Variants in IARS2 observed in about 807,000 individuals in gnomAD.
IARS2 encodes the protein isoleucine--tRNA ligase, mitochondrial.
In IARS2, 56 loss-of-function variants were observed where a neutral mutation model predicts 126.3. The observed-to-expected ratio is 0.44, with a 90% CI of 0.36 to 0.55. The LOEUF is 0.55. Ranked by LOEUF, IARS2 falls within the 20% of genes least tolerant of loss-of-function variation. IARS2 has a pLI of 0.00. For synonymous variants in IARS2, 407 were observed against 441.1 expected (o/e 0.92, Z 0.97); for missense variants, 1,127 against 1,245.9 (o/e 0.90, Z 1.44).
At chr1:220,109,783 G>GT (rs1656759424) in intron 10 of IARS2, among the ~76,000 whole-genome samples, 1 of 152,186 alleles carries the variant, frequency 6.6e-6, no homozygotes, top group Admixed American at 6.5e-5. Context: ...TAGTGCTGGG[G>GT]GTTAGATCTT....
At chr1:220,112,458 A>C (rs1403149418) in intron 11 of IARS2, among the ~76,000 whole-genome samples, 2 of 151,748 alleles carry the variant, frequency 1.3e-5, no homozygotes, top group African/African-American at 4.8e-5. Context: ...TTACCCCTTA[A>C]CAATTGGATT....
rs747580628 is a variant in IARS2, at chr1:220,103,454, G to A, written c.958G>A (p.Val320Ile). The A allele has an allele frequency of 1.1e-5, 17 of 1,589,426 alleles. No individual in the cohort carries two copies. Among genetic ancestry groups the A allele is most frequent in the Non-Finnish European group, 1.4e-5 (16 of 1,158,360 alleles). ...VCYMPESKYA[V>I]VKCSKSGDLY... ...CCTAAAATTTTATGTTAGGTATGCTGTTGTGAAATGTTCTAAGTCTGGAGA... is the reference window on the plus strand; with the variant it reads ...CCTAAAATTTTATGTTAGGTATGCTATTGTGAAATGTTCTAAGTCTGGAGA... The change falls in exon 8 of 23, where the codon GTT (valine) becomes ATT (isoleucine). Residue 320 changes from valine (V) to isoleucine (I), a missense_variant. Coordinates refer to ENST00000366922, the MANE Select transcript of IARS2 (RefSeq NM_018060.4).
At chr1:220,107,867 ACT>A (rs1212765555) in intron 10 of IARS2, among the ~76,000 whole-genome samples, 1 of 151,408 alleles carries the variant, frequency 6.6e-6, no homozygotes, top group African/African-American at 2.4e-5. Context: ...GCGTTACTCC[ACT>A]CTCTGCCTGT....
intron 2 of IARS2, among the ~76,000 whole-genome samples, 166 bp downstream of exon 2, chr1:220,096,392 T>A (rs988432982): frequency 3.7e-4 from 56 of 152,198 alleles, no homozygotes; most frequent in African/African-American, 1.3e-3. Context: ...ATAAAAAAAA[T>A]TGCTGCTATT....
chr1:220,125,463 A>G, intron 13 of IARS2, 124 bp downstream of exon 13: 1 of 634,280 alleles, frequency 1.6e-6, no homozygotes, highest in Non-Finnish European at 2.8e-6. Flanking sequence ...ACTGTAAATT[A>G]GAAGCTAATG....
At chr1:220,096,629 A>G (rs1472020209) in intron 2 of IARS2, among the ~76,000 whole-genome samples, 1 of 152,204 alleles carries the variant, frequency 6.6e-6, no homozygotes, top group African/African-American at 2.4e-5. Flanking sequence ...TTAATACTAC[A>G]ATCTGTTCAC....
At position 220,145,722 on chromosome 1, in the gene IARS2, C is replaced by T. The variant is rs150990285; in HGVS notation, c.2896+69C>T. On this transcript the variant is annotated intron_variant, in intron 22 of 22. Coordinates refer to ENST00000366922, the MANE Select transcript of IARS2 (RefSeq NM_018060.4). ...ATAATTATAGGTCATCTCCAACTTT[C>T]CAGTGGACTGGGTTTATTCTAAAGG... 137 of 1,311,778 alleles carry T rather than the reference C, an allele frequency of 1.0e-4. 1 individual carries two copies. The East Asian group carries it at 3.0e-3, about 29-fold the overall frequency. 81.3% of individuals were successfully genotyped at this position (1,311,778 alleles called of 1,614,324 possible). A position where few individuals can be genotyped will look rare whatever the true frequency, so the allele number is the denominator to read the frequency against.
chr1:220,104,256 C>T (rs985295911), intron 8 of IARS2, among the ~76,000 whole-genome samples: 14 of 152,312 alleles, frequency 9.2e-5, no homozygotes, highest in Middle Eastern at 3.4e-3. Context: ...GGATTAAAGG[C>T]GTAAGCCACT....
rs1558131762 is a variant in IARS2, at chr1:220,140,237, A to G, written c.2362A>G (p.Thr788Ala). 2.5e-6 allele frequency: 4 copies of G among 1,612,950 alleles called. No individual in the cohort carries two copies. The highest frequency in any genetic ancestry group is 2.2e-5 in the South Asian group (2 of 91,064). ...DFGKVVRLLR[T>A]FYTRELSNFY... Reference sequence around the variant, plus strand: ...TGGAAAAGTTGTTCGGCTGTTACGGACGTTTTATACCAGAGAGCTCTCTAA... The same window carrying G: ...TGGAAAAGTTGTTCGGCTGTTACGGGCGTTTTATACCAGAGAGCTCTCTAA... The change falls in exon 19 of 23, where the codon ACG (threonine) becomes GCG (alanine). Residue 788 changes from threonine to alanine, a missense_variant. Physicochemically the swap from Thr to Ala is moderately conservative, Grantham distance 58. Coordinates refer to ENST00000366922, the MANE Select transcript of IARS2 (RefSeq NM_018060.4).
intron 22 of IARS2, among the ~76,000 whole-genome samples, chr1:220,147,041 G>C (rs2102845003): frequency 6.6e-6 from 1 of 152,220 alleles, no homozygotes; most frequent in South Asian, 2.1e-4. Context: ...ATCAATCTGA[G>C]GTCTAAGAGT....
intron 2 of IARS2, among the ~76,000 whole-genome samples, chr1:220,097,046 A>C (rs1047621462): frequency 6.9e-6 from 1 of 144,120 alleles, no homozygotes; most frequent in African/African-American, 2.5e-5. Flanking sequence ...ATTCCGTCTC[A>C]AAAAAAAAAA....
intron 14 of IARS2, among the ~76,000 whole-genome samples, chr1:220,132,092 G>T (rs996015495): frequency 6.6e-6 from 1 of 152,112 alleles, no homozygotes; most frequent in Non-Finnish European, 1.5e-5. Context: ...TACCGCAAGT[G>T]GCCTGTTGAG....
rs192660654 is a variant in IARS2, at chr1:220,135,037, G to A, written c.1946+527G>A. ...CCTGCCTTGGCCTCCCAAAGTGGTAGGATTATAGGCGTGAGCCACCATGCC... is the reference window on the plus strand; with the variant it reads ...CCTGCCTTGGCCTCCCAAAGTGGTAAGATTATAGGCGTGAGCCACCATGCC... On this transcript the variant is annotated intron_variant, in intron 15 of 22. Coordinates refer to ENST00000366922, the MANE Select transcript of IARS2 (RefSeq NM_018060.4). Among the ~76,000 whole-genome samples the A allele has an allele frequency of 3.2e-4, 49 of 152,278 alleles. No homozygotes were observed. In the East Asian group the frequency reaches 7.0e-3, roughly 22 times the overall value.
At chr1:220,109,380 A>G (rs989935438) in intron 10 of IARS2, among the ~76,000 whole-genome samples, 2 of 150,914 alleles carry the variant, frequency 1.3e-5, no homozygotes, top group South Asian at 2.1e-4. Context: ...ATCCTGGGCA[A>G]CAGAGCGAGA....
In IARS2 at chr1:220,126,869, C is replaced by T. The variant is rs371531312; in HGVS notation, c.1837+26C>T. 20 of 1,504,146 alleles carry T rather than the reference C, an allele frequency of 1.3e-5. No homozygotes were observed. The African/African-American group carries it at 1.5e-4, about 12-fold the overall frequency. 93.2% of individuals were successfully genotyped at this position (1,504,146 alleles called of 1,614,324 possible). ...GTAATTCTTAAAAATAGATATATGC[C>T]GATCAAGAAGTTTTGAAAATATGGA... On this transcript the variant is annotated intron_variant, in intron 14 of 22. Coordinates refer to ENST00000366922, the MANE Select transcript of IARS2 (RefSeq NM_018060.4).
At chr1:220,102,891 A>C in intron 7 of IARS2, 114 bp downstream of exon 7, 2 of 687,522 alleles carry the variant, frequency 2.9e-6, no homozygotes, top group Non-Finnish European at 5.0e-6. Flanking sequence ...ATGAATTATA[A>C]CTTAGTTATT....
At position 220,112,174 on chromosome 1, in the gene IARS2, T is replaced by TCGGACTG. The variant is rs1356300599; in HGVS notation, c.1479+1246_1479+1252dup. 5.4e-4 allele frequency among the ~76,000 whole-genome samples: 64 copies of TCGGACTG among 117,694 alleles called. 1 individual carries two copies. Among genetic ancestry groups the TCGGACTG allele is most frequent in the Middle Eastern group, 8.8e-3 (2 of 228 alleles). 77.2% of individuals were successfully genotyped at this position (117,694 alleles called of 152,430 possible). A position where few individuals can be genotyped will look rare whatever the true frequency, so the allele number is the denominator to read the frequency against. On this transcript the variant is annotated intron_variant, in intron 11 of 22. Transcript: ENST00000366922. Reference sequence around the variant, plus strand: ...ACGGAGTCTCGCTCTGTCGCCCAGGTCGGACTGCGGACTGCAGTGGCGCAA... The same window carrying TCGGACTG: ...ACGGAGTCTCGCTCTGTCGCCCAGGTCGGACTGCGGACTGCGGACTGCAGTGGCGCAA...
At position 220,145,240 on chromosome 1, in the gene IARS2, G is replaced by C. The variant is rs144303641; in HGVS notation, c.2752-269G>C. Among the ~76,000 whole-genome samples, 782 of 152,202 alleles carry C rather than the reference G, an allele frequency of 5.1e-3. 4 individuals carry two copies. Among genetic ancestry groups the C allele is most frequent in the African/African-American group, 0.017 (696 of 41,542 alleles). ...AACACCATATAGGTTTTTTTTGTGT[G>C]TATGTATGTGACAATTAGAAGTAAG... On this transcript the variant is annotated intron_variant, in intron 21 of 22. Coordinates refer to ENST00000366922, the MANE Select transcript of IARS2 (RefSeq NM_018060.4).
At chr1:220,129,048 A>G (rs555262088) in intron 14 of IARS2, among the ~76,000 whole-genome samples, 3 of 151,982 alleles carry the variant, frequency 2.0e-5, no homozygotes, top group African/African-American at 7.2e-5. Flanking sequence ...ATGCCCAGCT[A>G]ATTTTTGTGT....
Sources: gnomAD v4.1 joint callset for allele counts (sites outside exome capture counted in the v4.1 genomes callset) on GRCh38, gnomAD v4.1.1 for gene constraint, MANE v1.5 for transcripts, NCBI Gene and HGNC (gene_info 2026-07-23, HGNC 2026-07-21) for gene names.